The following GNL3 variants were observed in gnomAD, a reference collection of about 807,000 sequenced individuals.
The protein encoded by GNL3 is guanine nucleotide-binding protein-like 3.
GNL3 carries 77 observed loss-of-function variants against 70.6 expected under a neutral mutation model. The ratio of observed to expected loss-of-function variants is 1.09; its 90% CI spans 0.91 to 1.32. GNL3 has a LOEUF of 1.32. Ranked by LOEUF, GNL3 falls within the 40% of genes most tolerant of loss-of-function variation. The pLI is 0.00. For missense variants in GNL3, 634 were observed against 644.0 expected (o/e 0.98, Z 0.17); for synonymous variants, 252 against 216.1 (o/e 1.17, Z -1.46).
intron 5 of GNL3, 51 bp from the exon 6 acceptor site, chr3:52,689,023 C>T (rs771790807): frequency 1.3e-6 from 2 of 1,511,976 alleles, no homozygotes; most frequent in Middle Eastern, 1.7e-4. Context: ...GGATGTAGTT[C>T]TGATCATTTT....
chr3:52,693,143 A>G, intron 10 of GNL3, 44 bp from the exon 11 acceptor site: 2 of 1,596,272 alleles, frequency 1.3e-6, no homozygotes, highest in Non-Finnish European at 1.7e-6. Flanking sequence ...AAGTACTGGC[A>G]TGTCAGATGA....
At chr3:52,687,067 C>A (rs1472219681) in intron 2 of GNL3, 179 bp from the exon 3 acceptor site, 2 of 641,224 alleles carry the variant, frequency 3.1e-6, no homozygotes, top group Admixed American at 2.9e-5. Context: ...CTTCTAGTTA[C>A]AATTTCTTGC....
chr3:52,686,269 C>A, intron 1 of GNL3, 164 bp downstream of exon 1: 1 of 711,298 alleles, frequency 1.4e-6, no homozygotes, highest in Non-Finnish European at 2.4e-6. Context: ...AGTTGGAAGT[C>A]CCTACGGCGA....
In GNL3 at chr3:52,686,780, G is replaced by T; in HGVS notation, c.25G>T (p.Ala9Ser). Residue 9 changes from alanine (A) to serine (S), a missense_variant, in exon 2 of 15, where the codon GCA becomes TCA. By Grantham distance (99) the Ala-to-Ser change is moderately conservative. Coordinates refer to ENST00000418458, the MANE Select transcript of GNL3 (RefSeq NM_014366.5). MKRPKLKK[A>S]SKRMTCHKRY... Reference sequence around the variant, plus strand: ...GTGTTTCTTTGTAGAGTTAAAGAAAGCAAGTAAACGCATGACCTGCCATAA... The same window carrying T: ...GTGTTTCTTTGTAGAGTTAAAGAAATCAAGTAAACGCATGACCTGCCATAA... The T allele has an allele frequency of 1.2e-6, 2 of 1,611,920 alleles. No individual in the cohort carries two copies. The highest frequency in any genetic ancestry group is 1.7e-6 in the Non-Finnish European group (2 of 1,178,006).
chr3:52,693,652 G>T lies in GNL3; in HGVS notation c.1345G>T (p.Ala449Ser). 1.2e-6 allele frequency: 2 copies of T among 1,614,072 alleles called. No homozygotes were observed. Among genetic ancestry groups the T allele is most frequent in the Non-Finnish European group, 1.7e-6 (2 of 1,179,980 alleles). Residue 449 changes from alanine to serine, a missense_variant, in exon 13 of 15, where the codon GCC becomes TCC. Physicochemically the swap from Ala to Ser is moderately conservative, Grantham distance 99. Transcript: ENST00000418458. Reference protein sequence around the residue: ...SIRAIKGPHLANSILFQSSGL... With the variant: ...SIRAIKGPHLSNSILFQSSGL... The stretch of plus-strand genomic sequence containing the variant: ...CCCAGCCATCAAGGGCCCTCATTTG[G>T]CCAATAGCATCCTTTTCCAGTCTTC...
At position 52,693,277 on chromosome 3, in the gene GNL3, G is replaced by A. The variant is rs777137575; in HGVS notation, c.1135G>A (p.Gly379Arg). ...GAGAAGAGGTATGCACCAAAAAGGT[G>A]GAATCCCAAATGTTGAAGGTGCTGC... Reference protein sequence around the residue: ...AQRRGMHQKGGIPNVEGAAKL... With the variant: ...AQRRGMHQKGRIPNVEGAAKL... The change falls in exon 11 of 15, where the codon GGA (glycine) becomes AGA (arginine). Residue 379 changes from glycine (G) to arginine (R), a missense_variant. By Grantham distance (125) the Gly-to-Arg change is moderately radical. Transcript: ENST00000418458. The A allele has an allele frequency of 2.5e-6, 4 of 1,614,096 alleles. No individual in the cohort carries two copies. The South Asian group carries it at 3.3e-5, about 13-fold the overall frequency.
Position 52,687,502 on chromosome 3 carries a change from C to A in GNL3, c.211C>A (p.Leu71Ile). The change falls in exon 4 of 15, where the codon CTT (leucine) becomes ATT (isoleucine). Residue 71 changes from leucine to isoleucine, a missense_variant and splice_region_variant. By Grantham distance (5) the Leu-to-Ile change is conservative. Transcript: ENST00000418458. ...CCTATTTCCCTTATGGCTCTGACAG[C>A]TTGAAGAACTAAAACAGCAGCAGAA... Reference protein sequence around the residue: ...LREAELRKQRLEELKQQQKLD... With the variant: ...LREAELRKQRIEELKQQQKLD... The A allele has an allele frequency of 6.2e-7, 1 of 1,610,242 alleles. No individual in the cohort carries two copies. Among genetic ancestry groups the A allele is most frequent in the Non-Finnish European group, 8.5e-7 (1 of 1,176,594 alleles).
At chr3:52,686,638 A>G in intron 1 of GNL3, 131 bp from the exon 2 acceptor site, 1 of 676,478 alleles carries the variant, frequency 1.5e-6, no homozygotes, top group Non-Finnish European at 2.6e-6. Context: ...GTATGTTTGC[A>G]TTAGGCATTT....
At chr3:52,686,173 T>C in intron 1 of GNL3, 68 bp downstream of exon 1, 1 of 1,553,430 alleles carries the variant, frequency 6.4e-7, no homozygotes, top group East Asian at 2.2e-5. Context: ...ACCACGACGC[T>C]CTTCTACGGC....
intron 6 of GNL3, among the ~76,000 whole-genome samples, chr3:52,689,951 A>T (rs960157299): frequency 6.6e-6 from 1 of 152,168 alleles, no homozygotes; most frequent in Admixed American, 6.5e-5. Context: ...CGTCTCAAAA[A>T]TGAAGAAACA....
At chr3:52,689,019 A>C (rs2097324766) in intron 5 of GNL3, 55 bp from the exon 6 acceptor site, 2 of 1,440,650 alleles carry the variant, frequency 1.4e-6, no homozygotes, top group Non-Finnish European at 2.0e-6. Context: ...CAAGGGATGT[A>C]GTTCTGATCA....
At chr3:52,690,256 A>C (rs1392100899) in intron 6 of GNL3, among the ~76,000 whole-genome samples, 2 of 152,104 alleles carry the variant, frequency 1.3e-5, no homozygotes, top group African/African-American at 4.8e-5. Flanking sequence ...CATTGGAGCA[A>C]ATGTCTTTTT....
chr3:52,687,988 T>G (rs921979600), intron 4 of GNL3, 121 bp from the exon 5 acceptor site: 7 of 697,076 alleles, frequency 1.0e-5, no homozygotes, highest in African/African-American at 1.8e-5. Context: ...GACAACTGAG[T>G]TCAGACTCCA....
Position 52,694,037 on chromosome 3 carries a change from G to C in GNL3, c.1501G>C (p.Glu501Gln). The change falls in exon 14 of 15, where the codon GAA (glutamate) becomes CAA (glutamine). Residue 501 changes from glutamate to glutamine, a missense_variant and splice_region_variant. By Grantham distance (29) the Glu-to-Gln change is conservative. Transcript: ENST00000418458. ...AGCACTATTTTTCTTTGTCACACAG[G>C]AAAACAGCTCAGGCATGTTTGCTGC... ...DQETVDEEVD[E>Q]NSSGMFAAEE... 1 of 1,613,078 alleles carries C rather than the reference G, an allele frequency of 6.2e-7. No homozygotes were observed.
At position 52,691,557 on chromosome 3, in the gene GNL3, G is replaced by T. The variant is rs2097327288; in HGVS notation, c.797G>T (p.Gly266Val). 4 of 1,587,832 alleles carry T rather than the reference G, an allele frequency of 2.5e-6. No individual in the cohort carries two copies. Among genetic ancestry groups the T allele is most frequent in the Non-Finnish European group, 3.5e-6 (4 of 1,158,396 alleles). Reference protein sequence around the residue: ...RVGVIGFPNVGKSSIINSLKQ... With the variant: ...RVGVIGFPNVVKSSIINSLKQ... ...TTATTTGTAGGTTTCCCAAATGTGGGGAAAAGCAGCATTATCAATAGCTTA... is the reference window on the plus strand; with the variant it reads ...TTATTTGTAGGTTTCCCAAATGTGGTGAAAAGCAGCATTATCAATAGCTTA... Residue 266 changes from glycine (G) to valine (V), a missense_variant, in exon 9 of 15, where the codon GGG becomes GTG. Physicochemically the swap from Gly to Val is moderately radical, Grantham distance 109. Transcript: ENST00000418458.
At position 52,687,512 on chromosome 3, in the gene GNL3, TA is replaced by T; in HGVS notation, c.225del (p.Lys75AsnfsTer12). 1.9e-6 allele frequency: 3 copies of T among 1,612,690 alleles called. No individual in the cohort carries two copies. Among genetic ancestry groups the T allele is most frequent in the Non-Finnish European group, 2.5e-6 (3 of 1,178,810 alleles). ...AELRKQRLEE[L>X]KQQQKLDRQK... ...TTATGGCTCTGACAGCTTGAAGAAC[TA>T]AAACAGCAGCAGAAACTTGACAGGC... On this transcript the variant is annotated frameshift_variant, in exon 4 of 15. Coordinates refer to ENST00000418458, the MANE Select transcript of GNL3 (RefSeq NM_014366.5). LOFTEE classifies it high-confidence loss of function.
At chr3:52,691,454 A>G (rs1014035415) in intron 8 of GNL3, 88 bp from the exon 9 acceptor site, 1 of 800,860 alleles carries the variant, frequency 1.2e-6, no homozygotes, top group Admixed American at 2.0e-5. Flanking sequence ...TGCCCTAAAC[A>G]TCAGGGAAAT....
intron 5 of GNL3, 74 bp from the exon 6 acceptor site, chr3:52,689,000 T>C: frequency 8.1e-7 from 1 of 1,233,702 alleles, no homozygotes; most frequent in South Asian, 1.2e-5. Context: ...GTGGAAGGTA[T>C]TACCAGAACA....
chr3:52,686,982 C>T, intron 2 of GNL3, 155 bp downstream of exon 2: 2 of 642,888 alleles, frequency 3.1e-6, no homozygotes, highest in South Asian at 3.8e-5. Flanking sequence ...ATCAGGAGTG[C>T]AGCTGTGAGA....
Sources: gnomAD v4.1 joint callset for allele counts (sites outside exome capture counted in the v4.1 genomes callset) on GRCh38, gnomAD v4.1.1 for gene constraint, MANE v1.5 for transcripts, NCBI Gene and HGNC (gene_info 2026-07-23, HGNC 2026-07-21) for gene names.